The following NRG3 variants were observed in gnomAD, a reference collection of about 807,000 sequenced individuals.
NRG3 encodes the protein pro-neuregulin-3, membrane-bound isoform.
NRG3 carries 31 observed loss-of-function variants against 66.9 expected under a neutral mutation model. The observed-to-expected ratio is 0.46, with a 90% CI of 0.35 to 0.63. The LOEUF is 0.63. Among genes scored for constraint, NRG3 ranks in the 20% least tolerant of loss-of-function variants. The pLI is 0.00. For missense variants in NRG3, 910 were observed against 878.9 expected (o/e 1.04, Z -0.45); for synonymous variants, 393 against 359.4 (o/e 1.09, Z -1.06).
At chr10:82,162,240 C>G (rs1271187445) in intron 1 of NRG3, among the ~76,000 whole-genome samples, 1 of 152,116 alleles carries the variant, frequency 6.6e-6, no homozygotes, top group East Asian at 1.9e-4. Flanking sequence ...AACTTGATAG[C>G]TAAAGGAGAG....
chr10:82,029,327 G>T (rs2132859350), intron 1 of NRG3, among the ~76,000 whole-genome samples: 1 of 152,184 alleles, frequency 6.6e-6, no homozygotes, highest in South Asian at 2.1e-4. Flanking sequence ...TGTAAAAATA[G>T]ACATAAATAT....
intron 3 of NRG3, among the ~76,000 whole-genome samples, chr10:82,793,811 C>T (rs2060686163): frequency 6.6e-6 from 1 of 152,146 alleles, no homozygotes; most frequent in African/African-American, 2.4e-5. Context: ...GGCATCATAT[C>T]ATTTTTGCTC....
intron 2 of NRG3, among the ~76,000 whole-genome samples, chr10:82,414,933 C>T (rs780115379): frequency 9.9e-5 from 15 of 152,140 alleles, no homozygotes; most frequent in African/African-American, 2.2e-4. Flanking sequence ...TTCAACTGAT[C>T]GGATGAGGCT....
chr10:82,827,145 T>G (rs1564540793), intron 3 of NRG3: 2 of 338,326 alleles, frequency 5.9e-6, no homozygotes, highest in Middle Eastern at 1.0e-3. Flanking sequence ...TTTATTATAC[T>G]CAAATGAACA....
At chr10:82,974,009 G>A in intron 7 of NRG3, 94 bp downstream of exon 7, 1 of 1,412,116 alleles carries the variant, frequency 7.1e-7, no homozygotes, top group Non-Finnish European at 9.8e-7. Flanking sequence ...ACTTAGGAGA[G>A]ACAACTGTTC....
chr10:82,286,446 G>A (rs574343507), intron 1 of NRG3, among the ~76,000 whole-genome samples: 5 of 152,216 alleles, frequency 3.3e-5, no homozygotes, highest in African/African-American at 1.2e-4. Context: ...AATGCAAAGG[G>A]CAGAGGAAAA....
At chr10:82,573,997 T>C (rs2045892624) in intron 2 of NRG3, among the ~76,000 whole-genome samples, 1 of 151,692 alleles carries the variant, frequency 6.6e-6, no homozygotes. Flanking sequence ...TGTTAAAAAA[T>C]GGAACTACAA....
chr10:82,188,198 A>G (rs1010665589), intron 1 of NRG3, among the ~76,000 whole-genome samples: 1 of 152,156 alleles, frequency 6.6e-6, no homozygotes, highest in Admixed American at 6.5e-5. Flanking sequence ...GGTACCAAGA[A>G]CATACACTGT....
At chr10:82,579,576 T>C (rs2046233962) in intron 2 of NRG3, among the ~76,000 whole-genome samples, 1 of 151,934 alleles carries the variant, frequency 6.6e-6, no homozygotes, top group South Asian at 2.1e-4. Flanking sequence ...ATGTATGTGT[T>C]AATGCATGCC....
chr10:82,502,294 C>T (rs1844270321), intron 2 of NRG3, among the ~76,000 whole-genome samples: 1 of 152,048 alleles, frequency 6.6e-6, no homozygotes, highest in African/African-American at 2.4e-5. Flanking sequence ...TTGTGTGAAC[C>T]TGTTCAGGTC....
At chr10:82,711,105 G>T (rs1345918938) in intron 2 of NRG3, among the ~76,000 whole-genome samples, 2 of 152,092 alleles carry the variant, frequency 1.3e-5, no homozygotes, top group Non-Finnish European at 2.9e-5. Flanking sequence ...TAGAGACAGG[G>T]TCTCACTCTG....
intron 1 of NRG3, among the ~76,000 whole-genome samples, chr10:82,270,170 A>C (rs1455864447): frequency 6.6e-6 from 1 of 152,134 alleles, no homozygotes; most frequent in Non-Finnish European, 1.5e-5. Context: ...ATGTCCTAAC[A>C]GTCTGCACTC....
At chr10:82,888,669 A>G (rs1383064779) in intron 4 of NRG3, among the ~76,000 whole-genome samples, 1 of 152,292 alleles carries the variant, frequency 6.6e-6, no homozygotes, top group African/African-American at 2.4e-5. Flanking sequence ...GCCCTTGTGG[A>G]GCTAATATTC....
At chr10:82,387,411 G>C (rs1179551759) in intron 2 of NRG3, among the ~76,000 whole-genome samples, 1 of 152,168 alleles carries the variant, frequency 6.6e-6, no homozygotes. Flanking sequence ...CAGGCTGGTT[G>C]GTTGGCATTG....
chr10:81,911,540 C>A (rs912684293), intron 1 of NRG3, among the ~76,000 whole-genome samples: 1 of 150,968 alleles, frequency 6.6e-6, no homozygotes, highest in African/African-American at 2.4e-5. Context: ...AGGTCAAGTC[C>A]CATTTGCTGC....
chr10:82,883,405 C>G (rs1842464059), intron 4 of NRG3, among the ~76,000 whole-genome samples: 1 of 152,138 alleles, frequency 6.6e-6, no homozygotes, highest in African/African-American at 2.4e-5. Context: ...CTGTATAGCA[C>G]AATGTCATGA....
At chr10:82,925,370 T>A (rs1373380374) in intron 4 of NRG3, among the ~76,000 whole-genome samples, 1 of 152,234 alleles carries the variant, frequency 6.6e-6, no homozygotes, top group African/African-American at 2.4e-5. Context: ...ATACTTTAGT[T>A]TCTCTGTGCC....
At chr10:82,937,925 T>TGTAAGTCTCATATACG (rs1377762046) in intron 4 of NRG3, among the ~76,000 whole-genome samples, 1 of 152,192 alleles carries the variant, frequency 6.6e-6, no homozygotes, top group Non-Finnish European at 1.5e-5. Context: ...TGAAATGAGC[T>TGTAAGTCTCATATACG]GTAAGTCTCA....
chr10:82,586,319 G>T (rs976090997), intron 2 of NRG3, among the ~76,000 whole-genome samples: 1 of 151,312 alleles, frequency 6.6e-6, no homozygotes, highest in Non-Finnish European at 1.5e-5. Flanking sequence ...CTTGGGAGAA[G>T]ACAAGGAGAA....
Sources: allele counts gnomAD v4.1 joint callset (sites outside exome capture counted in the v4.1 genomes callset), GRCh38; gene constraint gnomAD v4.1.1; transcripts MANE v1.5; gene names NCBI Gene and HGNC (gene_info 2026-07-23, HGNC 2026-07-21).